Variants in DNAH1 observed in about 807,000 individuals in gnomAD.
DNAH1 encodes axonemal beta dynein heavy chain 1.
DNAH1 carries 327 observed loss-of-function variants against 484.3 expected under a neutral mutation model. That is an observed-to-expected ratio of 0.68 (90% CI 0.62 to 0.74). DNAH1 has a LOEUF of 0.74. Among genes scored for constraint, DNAH1 ranks in the 30% least tolerant of loss-of-function variants. The pLI is 0.00. For missense variants in DNAH1, 5,052 were observed against 5,546.8 expected, an observed-to-expected ratio of 0.91 and a Z score of 2.83; for synonymous variants, 2,192 against 2,191.9, an observed-to-expected ratio of 1.00 and a Z score of 0.00.
intron 15 of DNAH1, 110 bp from the exon 16 acceptor site, chr3:52,350,398 T>C: frequency 8.8e-7 from 1 of 1,133,774 alleles, no homozygotes; most frequent in Non-Finnish European, 1.3e-6. Context: ...GACCTCCCCA[T>C]TCTGAAAGAG....
At chr3:52,342,266 C>T (rs985343037) in intron 8 of DNAH1, among the ~76,000 whole-genome samples, 2 of 152,256 alleles carry the variant, frequency 1.3e-5, no homozygotes, top group Non-Finnish European at 2.9e-5. Context: ...GGGGCAGAGA[C>T]GCGGCCACAG....
chr3:52,389,270 C>T (rs1704258835), intron 59 of DNAH1, among the ~76,000 whole-genome samples, 191 bp from the exon 60 acceptor site: 2 of 152,252 alleles, frequency 1.3e-5, no homozygotes, highest in African/African-American at 4.8e-5. Flanking sequence ...GTTAGCTTTG[C>T]CCGTTTCACA....
In DNAH1 at chr3:52,370,747, G is replaced by A; in HGVS notation, c.6447G>A (p.Leu2149=). The A allele has an allele frequency of 2.5e-6, 4 of 1,606,774 alleles. No homozygotes were observed. The highest frequency in any genetic ancestry group is 3.4e-6 in the Non-Finnish European group (4 of 1,176,926). ...CTCTGCTTTTCCCAGAAGAGGGGCT[G>A]GTGTTCGATTACAGGCTGGAGGACG... is the stretch of plus-strand genomic sequence containing the variant. ...QLTLLFPEEG[L]VFDYRLEDAG... is the part of the protein sequence containing the mutation. The change falls in exon 41 of 78, where the codon CTG becomes CTA. Residue 2149 remains leucine (L), a synonymous_variant. Transcript: ENST00000420323.
At chr3:52,322,212 C>A (rs1701173707) in intron 1 of DNAH1, among the ~76,000 whole-genome samples, 197 bp from the exon 2 acceptor site, 1 of 152,146 alleles carries the variant, frequency 6.6e-6, no homozygotes, top group African/African-American at 2.4e-5. Flanking sequence ...GGGCAGGCCC[C>A]ACCCCATCTC....
chr3:52,388,298 G>A lies in DNAH1; in HGVS notation c.9135G>A (p.Lys3045=), dbSNP rs763232676. The change falls in exon 57 of 78, where the codon AAG becomes AAA. Residue 3045 remains lysine (K), a synonymous_variant. Coordinates refer to ENST00000420323, the MANE Select transcript of DNAH1 (RefSeq NM_015512.5). The part of the protein sequence containing the change: ...SICQWVRAMH[K]YHFVAKAVEP... The stretch of plus-strand genomic sequence containing the variant: ...GCCAGTGGGTGCGCGCCATGCACAA[G>A]TACCACTTTGTGGCCAAGGCCGTGG... 9 of 1,602,188 alleles carry A rather than the reference G, an allele frequency of 5.6e-6. No homozygotes were observed. The highest frequency in any genetic ancestry group is 7.7e-6 in the Non-Finnish European group (9 of 1,174,530).
chr3:52,389,122 T>C (rs1704252902), intron 59 of DNAH1, among the ~76,000 whole-genome samples, 185 bp downstream of exon 59: 1 of 152,210 alleles, frequency 6.6e-6, no homozygotes, highest in East Asian at 1.9e-4. Context: ...TACAGCAGTG[T>C]ACAAAACAGC....
At chr3:52,318,773 C>A (rs1484199284) in intron 1 of DNAH1, among the ~76,000 whole-genome samples, 3 of 152,192 alleles carry the variant, frequency 2.0e-5, no homozygotes, top group Admixed American at 1.3e-4. Flanking sequence ...GTGGAGAGAA[C>A]CCCAAGCCTG....
Position 52,331,236 on chromosome 3 carries a change from CAAG to C in DNAH1, c.962_964del (p.Lys321del). The C allele has an allele frequency of 6.2e-7, 1 of 1,611,352 alleles. No homozygotes were observed. The highest frequency in any genetic ancestry group is 8.5e-7 in the Non-Finnish European group (1 of 1,178,848). On this transcript the variant is annotated inframe_deletion, in exon 7 of 78. Transcript: ENST00000420323. ...AGGAGAAGAAGCTATACCTGGTACA[CAAG>C]ACAGACGAGAAAGGCCTGGTGCGAG...
Position 52,322,459 on chromosome 3 carries a change from G to A in DNAH1, c.17G>A (p.Ser6Asn), listed in dbSNP as rs2153222741. 1 of 1,610,772 alleles carries A rather than the reference G, an allele frequency of 6.2e-7. No individual in the cohort carries two copies. Among genetic ancestry groups the A allele is most frequent in the East Asian group, 2.2e-5 (1 of 44,872 alleles). The change falls in exon 2 of 78, where the codon AGT becomes AAT. Residue 6 changes from serine (S) to asparagine (N), a missense_variant. Transcript: ENST00000420323. ...AGAAGCAGCATGGAGCAGCCTAACAGTAAAGGCTATAGCCTGGGAAGGACC... is the reference window on the plus strand; with the variant it reads ...AGAAGCAGCATGGAGCAGCCTAACAATAAAGGCTATAGCCTGGGAAGGACC... MEQPN[S>N]KGYSLGRTPQ...
chr3:52,376,021 G>A (rs780495355), intron 46 of DNAH1, 28 bp downstream of exon 46: 5 of 1,608,196 alleles, frequency 3.1e-6, no homozygotes, highest in Non-Finnish European at 4.2e-6. Flanking sequence ...CGGGAATGGG[G>A]CACTGGTTCC....
At chr3:52,376,818 C>T (rs991671951) in intron 46 of DNAH1, among the ~76,000 whole-genome samples, 3 of 147,070 alleles carry the variant, frequency 2.0e-5, no homozygotes, top group African/African-American at 7.4e-5. Context: ...CCTGTGAATG[C>T]ACCTCTCACC....
At chr3:52,384,637 G>A (rs992664678) in intron 52 of DNAH1, 149 bp from the exon 53 acceptor site, 10 of 779,782 alleles carry the variant, frequency 1.3e-5, no homozygotes, top group Non-Finnish European at 1.9e-5. Flanking sequence ...TCGACCTGGA[G>A]GTCGTGAGGC....
chr3:52,317,674 T>TCGGCCCTAATCCTGC (rs1350499477), intron 1 of DNAH1, among the ~76,000 whole-genome samples: 1 of 152,176 alleles, frequency 6.6e-6, no homozygotes, highest in Non-Finnish European at 1.5e-5. Context: ...CGCTCCCTGG[T>TCGGCCCTAATCCTGC]CGGCCCTAAT....
At chr3:52,374,062 A>G in intron 44 of DNAH1, 1 of 1,024,834 alleles carries the variant, frequency 9.8e-7, no homozygotes. Context: ...TGCAGCTTTT[A>G]AAGCTCTTTG....
chr3:52,344,551 A>G lies in DNAH1; in HGVS notation c.1348A>G (p.Asn450Asp), dbSNP rs938887521. The G allele has an allele frequency of 6.2e-7, 1 of 1,614,020 alleles. No individual in the cohort carries two copies. The highest frequency in any genetic ancestry group is 8.5e-7 in the Non-Finnish European group (1 of 1,179,870). The change falls in exon 9 of 78, where the codon AAC becomes GAC. Residue 450 changes from asparagine (N) to aspartate (D), a missense_variant. By Grantham distance (23) the Asn-to-Asp change is conservative (BLOSUM62 1). Transcript: ENST00000420323. ...GAGCCTGGACTATGAGCGCAGCATG[A>G]ACAAGATCAACTTTGACCACGTTGT... ...EVSLDYERSM[N>D]KINFDHVVSS... is the part of the protein sequence containing the mutation.
chr3:52,358,566 C>G lies in DNAH1; in HGVS notation c.4095C>G (p.Phe1365Leu). The G allele has an allele frequency of 6.2e-7, 1 of 1,608,314 alleles. No homozygotes were observed. The highest frequency in any genetic ancestry group is 8.5e-7 in the Non-Finnish European group (1 of 1,177,596). The change falls in exon 25 of 78, where the codon TTC becomes TTG. Residue 1365 changes from phenylalanine (F) to leucine (L), a missense_variant. Physicochemically the swap from Phe to Leu is conservative, Grantham distance 22 (BLOSUM62 0). Transcript: ENST00000420323. This position sits in a 1 kb window ranked among gnomAD's most constrained non-coding sequence, Gnocchi z 4.2. ...KCFENIARLL[F>L]QEDLEITHMY... ...TCCTCCACTGCTTGCAGCTGCTATT[C>G]CAGGAGGACCTGGAGATCACGCACA...
intron 44 of DNAH1, chr3:52,373,981 C>A: frequency 8.5e-7 from 1 of 1,179,696 alleles, no homozygotes; most frequent in Non-Finnish European, 1.3e-6. Flanking sequence ...ATGAATTTTT[C>A]TTAAGATTTT....
chr3:52,386,615 G>C, intron 55 of DNAH1, 47 bp from the exon 56 acceptor site: 1 of 1,500,976 alleles, frequency 6.7e-7, no homozygotes, highest in Non-Finnish European at 8.9e-7. Context: ...CTGCCGAGGG[G>C]TGCCCACTGG....
chr3:52,344,269 G>A (rs1702057027), intron 8 of DNAH1, among the ~76,000 whole-genome samples: 2 of 152,286 alleles, frequency 1.3e-5, no homozygotes, highest in South Asian at 2.1e-4. Flanking sequence ...GGGACAAGGG[G>A]CAGAAAATGG....
Sources: allele counts gnomAD v4.1 joint callset (sites outside exome capture counted in the v4.1 genomes callset), GRCh38; gene constraint gnomAD v4.1.1; non-coding constraint Gnocchi (gnomAD v3.1); transcripts MANE v1.5; gene names NCBI Gene and HGNC (gene_info 2026-07-23, HGNC 2026-07-21).